UQCC1: variants seen among roughly 807,000 people sequenced by gnomAD.
UQCC1 encodes ubiquinol-cytochrome c reductase complex assembly factor 1, also known as bFGF-repressed Zic-binding protein.
A neutral mutation model predicts 48.0 loss-of-function variants in UQCC1; 38 were observed. That is an observed-to-expected ratio of 0.79 (90% confidence interval 0.61 to 1.04). The LOEUF is 1.04. Among genes scored for constraint, UQCC1 ranks in the 50% least tolerant of loss-of-function variants. The pLI, the probability that UQCC1 is intolerant of heterozygous loss-of-function variation, is 0.00. For synonymous variants in UQCC1, 111 were observed against 129.2 expected (o/e 0.86, Z 0.95); for missense variants, 368 against 381.8 (o/e 0.96, Z 0.30).
chr20:35,335,297 A>G (rs2061303663), intron 7 of UQCC1, among the ~76,000 whole-genome samples: 1 of 152,204 alleles, frequency 6.6e-6, no homozygotes, highest in Non-Finnish European at 1.5e-5. Context: ...ACATAAACTT[A>G]TATATGAATG....
intron 8 of UQCC1, among the ~76,000 whole-genome samples, chr20:35,310,516 C>T (rs527487466): frequency 1.6e-4 from 24 of 151,402 alleles, no homozygotes; most frequent in Admixed American, 1.2e-3. Flanking sequence ...CATGGTGGCG[C>T]CTGCCTCTAG....
At chr20:35,380,804 C>T (rs561729843) in intron 4 of UQCC1, among the ~76,000 whole-genome samples, 2 of 152,260 alleles carry the variant, frequency 1.3e-5, no homozygotes, top group East Asian at 3.9e-4. Context: ...TTATCTGAAA[C>T]GTGTGGAAAC....
At chr20:35,410,885 C>T (rs1283557099) in intron 1 of UQCC1, among the ~76,000 whole-genome samples, 1 of 151,298 alleles carries the variant, frequency 6.6e-6, no homozygotes, top group East Asian at 1.9e-4. Flanking sequence ...ATCTTTCTGG[C>T]AGTTACAGGG....
At chr20:35,332,117 G>A (rs965942419) in intron 7 of UQCC1, among the ~76,000 whole-genome samples, 6 of 152,160 alleles carry the variant, frequency 3.9e-5, no homozygotes, top group Non-Finnish European at 7.4e-5. Context: ...ACTGGGCACC[G>A]GCCTCTCAAC....
At chr20:35,306,322 A>G (rs1343780906) in intron 9 of UQCC1, 1 of 261,552 alleles carries the variant, frequency 3.8e-6, no homozygotes, top group African/African-American at 2.2e-5. Flanking sequence ...CTGCTACTAC[A>G]CCACGTGCTC....
chr20:35,340,272 G>A (rs2061362519), intron 7 of UQCC1, among the ~76,000 whole-genome samples: 1 of 152,166 alleles, frequency 6.6e-6, no homozygotes, highest in Admixed American at 6.5e-5. Flanking sequence ...TGTAAAGAAA[G>A]GCATGTATCT....
intron 7 of UQCC1, among the ~76,000 whole-genome samples, chr20:35,340,585 A>T (rs563377147): frequency 4.8e-4 from 73 of 152,164 alleles, no homozygotes; most frequent in Non-Finnish European, 8.2e-4. Flanking sequence ...CCCTGGCCCA[A>T]GTGATCCTCC....
At chr20:35,330,896 T>G (rs893449402) in intron 7 of UQCC1, among the ~76,000 whole-genome samples, 1 of 152,136 alleles carries the variant, frequency 6.6e-6, no homozygotes, top group African/African-American at 2.4e-5. Context: ...ACTCCACTCT[T>G]GTAGCTCCAA....
At chr20:35,383,192 TAC>T (rs2061897520) in intron 3 of UQCC1, among the ~76,000 whole-genome samples, 2 of 152,318 alleles carry the variant, frequency 1.3e-5, no homozygotes, top group South Asian at 4.1e-4. Flanking sequence ...TATTAATGAC[TAC>T]AGAGTCTTGT....
At chr20:35,328,518 T>C (rs1417242011) in intron 7 of UQCC1, among the ~76,000 whole-genome samples, 2 of 152,180 alleles carry the variant, frequency 1.3e-5, no homozygotes, top group African/African-American at 4.8e-5. Flanking sequence ...GTTATGTCTA[T>C]TTTACGGAGA....
At chr20:35,375,496 C>A (rs998231209) in intron 4 of UQCC1, among the ~76,000 whole-genome samples, 1 of 152,034 alleles carries the variant, frequency 6.6e-6, no homozygotes, top group Non-Finnish European at 1.5e-5. Context: ...AATCAGATAT[C>A]CCTATCTGGG....
intron 8 of UQCC1, among the ~76,000 whole-genome samples, chr20:35,310,608 T>G (rs187310805): frequency 1.9e-4 from 22 of 118,496 alleles, no homozygotes; most frequent in Non-Finnish European, 3.4e-4. Context: ...ATTGTGCCAC[T>G]GCACTCCAGC....
intron 6 of UQCC1, among the ~76,000 whole-genome samples, chr20:35,362,321 C>T (rs2061615145): frequency 6.6e-6 from 1 of 152,154 alleles, no homozygotes; most frequent in Non-Finnish European, 1.5e-5. Flanking sequence ...CCATAGGTCA[C>T]ATTTGATCAG....
At chr20:35,321,592 C>T (rs886619306) in intron 7 of UQCC1, among the ~76,000 whole-genome samples, 3 of 152,050 alleles carry the variant, frequency 2.0e-5, no homozygotes, top group African/African-American at 4.8e-5. Flanking sequence ...AGGTGGCTTA[C>T]GTGTATAATC....
At chr20:35,370,406 CA>C (rs148204737) in intron 5 of UQCC1, among the ~76,000 whole-genome samples, 1,523 of 152,130 alleles carry the variant, frequency 0.01, 23 homozygotes, top group African/African-American at 0.032. Flanking sequence ...ACAGGAAAGT[CA>C]GTGTAATTAT....
intron 6 of UQCC1, among the ~76,000 whole-genome samples, chr20:35,355,007 C>T (rs2061530359): frequency 1.3e-5 from 2 of 152,026 alleles, no homozygotes. Flanking sequence ...TGGCACGGCA[C>T]ACTCACACCC....
intron 5 of UQCC1, among the ~76,000 whole-genome samples, chr20:35,367,092 T>TA (rs72469122): frequency 0.44 from 44,267 of 100,198 alleles, 9,539 homozygotes; most frequent in East Asian, 0.62. Flanking sequence ...AGACTCTGTC[T>TA]AAAAAAAAAA....
intron 2 of UQCC1, chr20:35,386,247 G>A (rs1336147736): frequency 2.6e-6 from 1 of 391,212 alleles, no homozygotes; most frequent in Non-Finnish European, 4.9e-6. Flanking sequence ...AAAAAATCTA[G>A]TTTCCAAACT....
intron 9 of UQCC1, among the ~76,000 whole-genome samples, chr20:35,305,047 T>C (rs1223668008): frequency 6.6e-6 from 1 of 152,156 alleles, no homozygotes; most frequent in Non-Finnish European, 1.5e-5. Context: ...CACCAAACAG[T>C]CTGCTCAAGG....
Sources: allele counts gnomAD v4.1 joint callset (sites outside exome capture counted in the v4.1 genomes callset), GRCh38; gene constraint gnomAD v4.1.1; transcripts MANE v1.5; gene names NCBI Gene and HGNC (gene_info 2026-07-23, HGNC 2026-07-21).